DGKB: variants seen among roughly 807,000 people sequenced by gnomAD.
The protein encoded by DGKB is diacylglycerol kinase beta.
A neutral mutation model predicts 114.3 loss-of-function variants in DGKB; 67 were observed. That is an observed-to-expected ratio of 0.59 (90% CI 0.48 to 0.72). DGKB has a LOEUF of 0.72. DGKB is among the 30% of genes least tolerant of loss of function. The pLI is 0.00. For missense variants in DGKB, 907 were observed against 975.2 expected, an observed-to-expected ratio of 0.93 and a Z score of 0.93; for synonymous variants, 398 against 323.1, an observed-to-expected ratio of 1.23 and a Z score of -2.49.
In DGKB at chr7:14,681,525, G is replaced by A. The variant is rs190117060; in HGVS notation, c.1035+1028C>T. On this transcript the variant is annotated intron_variant, in intron 12 of 25. Coordinates refer to ENST00000402815, the MANE Select transcript of DGKB (RefSeq NM_001350709.2). ...CCTGGGTTGAGGGTGGGGCACTTGG[G>A]GACACAGTGGAGACAGTTATTTACT... Among the ~76,000 whole-genome samples, 9 of 151,832 alleles carry A rather than the reference G, an allele frequency of 5.9e-5. No homozygotes were observed. The East Asian group carries it at 1.7e-3, about 29-fold the overall frequency.
At chr7:14,886,783 T>C (rs1057040023) in intron 1 of DGKB, among the ~76,000 whole-genome samples, 2 of 151,794 alleles carry the variant, frequency 1.3e-5, no homozygotes, top group African/African-American at 4.8e-5. Context: ...GAAACATAAA[T>C]TATGCTGTCC....
chr7:14,478,260 G>A, intron 20 of DGKB, 35 bp from the exon 21 acceptor site: 1 of 1,266,094 alleles, frequency 7.9e-7, no homozygotes, highest in Non-Finnish European at 1.1e-6. Context: ...AAACAGGATG[G>A]TTTATGATCC....
At chr7:14,664,234 C>A (rs994854822) in intron 13 of DGKB, among the ~76,000 whole-genome samples, 28 of 151,964 alleles carry the variant, frequency 1.8e-4, no homozygotes, top group Non-Finnish European at 1.5e-5. Context: ...TGAAAATAAT[C>A]TATTTTGAAA....
rs1007497165 is a variant in DGKB at position 14,511,946 on chromosome 7, G to A, written c.1771-33721C>T. 3.9e-5 allele frequency among the ~76,000 whole-genome samples: 6 copies of A among 152,270 alleles called. No individual in the cohort carries two copies. In the South Asian group the frequency reaches 1.2e-3, roughly 32 times the overall value. On this transcript the variant is annotated intron_variant, in intron 20 of 25. Transcript: ENST00000402815. ...ATGAGGTTCACTCTCTTTTATGGGT[G>A]CATTTGTGGTATTCCCAAACAATGA...
At chr7:14,557,298 A>G (rs1452251119) in intron 20 of DGKB, among the ~76,000 whole-genome samples, 1 of 152,310 alleles carries the variant, frequency 6.6e-6, no homozygotes, top group Admixed American at 6.5e-5. Flanking sequence ...ATAAACACAG[A>G]TGATATACTT....
At chr7:14,295,867 C>T (rs185774083) in intron 23 of DGKB, among the ~76,000 whole-genome samples, 2 of 152,110 alleles carry the variant, frequency 1.3e-5, no homozygotes, top group Admixed American at 1.3e-4. Flanking sequence ...CCCCCCAACC[C>T]AGACAGGCCC....
intron 6 of DGKB, among the ~76,000 whole-genome samples, chr7:14,707,245 C>T (rs1826448100): frequency 6.9e-6 from 1 of 144,488 alleles, no homozygotes; most frequent in Non-Finnish European, 1.5e-5. Flanking sequence ...TCGACACATA[C>T]ACTCTCCCAA....
At chr7:14,632,587 G>A (rs750534146) in intron 13 of DGKB, among the ~76,000 whole-genome samples, 6 of 151,798 alleles carry the variant, frequency 4.0e-5, no homozygotes, top group Non-Finnish European at 8.8e-5. Flanking sequence ...GCCTAAAAGT[G>A]TGTAAAAATG....
Position 14,621,509 on chromosome 7 carries a change from A to G in DGKB, c.1168-15T>C, listed in dbSNP as rs1585158792. The G allele has an allele frequency of 1.4e-6, 2 of 1,458,284 alleles. No individual in the cohort carries two copies. The highest frequency in any genetic ancestry group is 1.9e-6 in the Non-Finnish European group (2 of 1,065,456). 90.3% of individuals were successfully genotyped at this position (1,458,284 alleles called of 1,614,324 possible). On this transcript the variant is annotated splice_polypyrimidine_tract_variant and intron_variant, in intron 14 of 25. Transcript: ENST00000402815. ...GATTGTCTTTCCTGTAAAAAAGAAA[A>G]TTTTGATAAAAATAAAAATTAGGAA...
intron 21 of DGKB, among the ~76,000 whole-genome samples, chr7:14,428,103 A>C (rs1288381314): frequency 2.0e-5 from 3 of 152,108 alleles, no homozygotes; most frequent in Non-Finnish European, 4.4e-5. Flanking sequence ...ATCAGAAATA[A>C]TAGGCAATTA....
At chr7:14,585,853 T>C (rs1800673389) in intron 17 of DGKB, among the ~76,000 whole-genome samples, 1 of 152,140 alleles carries the variant, frequency 6.6e-6, no homozygotes, top group African/African-American at 2.4e-5. Flanking sequence ...TAGTAATTGC[T>C]TTGAGGTGCC....
rs923145570 is a variant in DGKB, at chr7:14,338,816, A to T, written c.1927-106T>A. The T allele has an allele frequency of 8.8e-6, 6 of 680,846 alleles. No individual in the cohort carries two copies. The African/African-American group carries it at 1.1e-4, about 13-fold the overall frequency. The allele number at this position is 680,846 out of a possible 1,614,324, so 42.2% of individuals were successfully genotyped here. ...TTTAATAAGTGCGTTGAAATCCATAATGTTGTCATTTCCAAACAAGCCTTT... is the reference window on the plus strand; with the variant it reads ...TTTAATAAGTGCGTTGAAATCCATATTGTTGTCATTTCCAAACAAGCCTTT... On this transcript the variant is annotated intron_variant, in intron 22 of 25. Transcript: ENST00000402815.
At chr7:14,830,803 A>T (rs1207444387) in intron 2 of DGKB, among the ~76,000 whole-genome samples, 1 of 151,976 alleles carries the variant, frequency 6.6e-6, no homozygotes. Context: ...GATTAGGGCC[A>T]TTTGACCTCT....
intron 1 of DGKB, among the ~76,000 whole-genome samples, chr7:14,911,129 T>A (rs1443291899): frequency 6.6e-6 from 1 of 152,094 alleles, no homozygotes; most frequent in African/African-American, 2.4e-5. Context: ...AACATGTTAT[T>A]ATAGTTATCA....
At chr7:14,490,193 G>A (rs760153076) in intron 20 of DGKB, among the ~76,000 whole-genome samples, 2 of 151,956 alleles carry the variant, frequency 1.3e-5, no homozygotes, top group Non-Finnish European at 2.9e-5. Context: ...TCAAGTTAAG[G>A]TAGCCAAAAC....
At chr7:14,956,538 A>G (rs1786515788) in intron 1 of DGKB, among the ~76,000 whole-genome samples, 1 of 152,058 alleles carries the variant, frequency 6.6e-6, no homozygotes, top group Admixed American at 6.6e-5. Context: ...GTGAAAATGA[A>G]CTGCTAATTA....
chr7:14,371,479 GTGTTTGTTCA>G (rs1161167623), intron 21 of DGKB, among the ~76,000 whole-genome samples: 1 of 152,094 alleles, frequency 6.6e-6, no homozygotes, highest in Non-Finnish European at 1.5e-5. Flanking sequence ...CTTTTGAGAA[GTGTTTGTTCA>G]TGTCTTTTGC....
At chr7:14,708,855 A>G (rs996010797) in intron 6 of DGKB, among the ~76,000 whole-genome samples, 19 of 150,338 alleles carry the variant, frequency 1.3e-4, no homozygotes, top group African/African-American at 4.0e-4. Context: ...CTAAAACCAT[A>G]AAAACCCTAA....
At chr7:14,178,418 A>C (rs1782118395) in intron 23 of DGKB, among the ~76,000 whole-genome samples, 1 of 151,960 alleles carries the variant, frequency 6.6e-6, no homozygotes, top group African/African-American at 2.4e-5. Flanking sequence ...ACCAAAAAAA[A>C]AAAAAAAAAA....
Sources: gnomAD v4.1 joint callset for allele counts (sites outside exome capture counted in the v4.1 genomes callset) on GRCh38, gnomAD v4.1.1 for gene constraint, MANE v1.5 for transcripts, NCBI Gene and HGNC (gene_info 2026-07-23, HGNC 2026-07-21) for gene names.